Variants in R3HDM4 observed in about 807,000 individuals in gnomAD.
The protein encoded by R3HDM4 is R3H domain containing 4, also known as R3H domain-containing protein 4.
A neutral mutation model predicts 31.3 loss-of-function variants in R3HDM4; 30 were observed. That is an observed-to-expected ratio of 0.96 (90% CI 0.72 to 1.30). The LOEUF is 1.30. R3HDM4 is among the 50% of genes most tolerant of loss of function. The pLI, the probability that R3HDM4 is intolerant of heterozygous loss-of-function variation, is 0.00. For missense variants in R3HDM4, 444 were observed against 366.1 expected (o/e 1.21, Z -1.74); for synonymous variants, 196 against 156.6 (o/e 1.25, Z -1.88).
chr19:899,552 A>C lies in R3HDM4; in HGVS notation c.647+49T>G. 6.2e-7 allele frequency: 1 copy of C among 1,611,910 alleles called. No homozygotes were observed. Among genetic ancestry groups the C allele is most frequent in the East Asian group, 2.2e-5 (1 of 44,856 alleles). On this transcript the variant is annotated intron_variant, in intron 6 of 7. Coordinates refer to ENST00000361574, the MANE Select transcript of R3HDM4 (RefSeq NM_138774.4). The surrounding 1 kb of genome is among the most constrained non-coding windows in gnomAD (Gnocchi z 6.8). The stretch of plus-strand genomic sequence containing the variant: ...GGGCTGCAGCGTGGGGTGTCCGCCC[A>C]CCTGGCCGCAGCCTCGGAGGGTCCG...
intron 7 of R3HDM4, among the ~76,000 whole-genome samples, 178 bp from the exon 8 acceptor site, chr19:897,718 G>A (rs917190116): frequency 1.3e-5 from 2 of 152,240 alleles, no homozygotes; most frequent in African/African-American, 4.8e-5. Context: ...TGGCTCACAA[G>A]AATACCTAAG....
In R3HDM4 at chr19:901,557, A is replaced by G; in HGVS notation, c.227-11T>C. 1.9e-6 allele frequency: 3 copies of G among 1,597,078 alleles called. No homozygotes were observed. Among genetic ancestry groups the G allele is most frequent in the Non-Finnish European group, 2.6e-6 (3 of 1,175,106 alleles). On this transcript the variant is annotated splice_polypyrimidine_tract_variant and intron_variant, in intron 2 of 7. Transcript: ENST00000361574. ...TCAGGAGGTACTGGGCTAGGTGGAA[A>G]CAGATGCTCTCTGGGCCGGGGTGGC... is the stretch of plus-strand genomic sequence containing the variant.
At chr19:909,270 C>T (rs561898808) in intron 1 of R3HDM4, among the ~76,000 whole-genome samples, 3 of 152,314 alleles carry the variant, frequency 2.0e-5, no homozygotes, top group East Asian at 3.9e-4. Flanking sequence ...GCACTGGTCC[C>T]TCCCCCAGGA....
intron 1 of R3HDM4, among the ~76,000 whole-genome samples, chr19:906,615 C>T (rs942654299): frequency 8.7e-4 from 132 of 152,082 alleles, no homozygotes; most frequent in Non-Finnish European, 2.6e-4. Flanking sequence ...ATGAATTCCC[C>T]TCATCTCAGC....
intron 1 of R3HDM4, among the ~76,000 whole-genome samples, chr19:905,684 C>CAA (rs35211343): frequency 2.1e-4 from 14 of 66,296 alleles, no homozygotes; most frequent in African/African-American, 3.9e-4. Flanking sequence ...GACTCTGTCT[C>CAA]AAAAAAAAAA....
At position 899,594 on chromosome 19, in the gene R3HDM4, C is replaced by A. The variant is rs1209220837; in HGVS notation, c.647+7G>T. The A allele has an allele frequency of 6.2e-7, 1 of 1,612,546 alleles. No individual in the cohort carries two copies. Among genetic ancestry groups the A allele is most frequent in the Admixed American group, 1.7e-5 (1 of 59,880 alleles). On this transcript the variant is annotated splice_region_variant and intron_variant, in intron 6 of 7. Transcript: ENST00000361574. This position sits in a 1 kb window ranked among gnomAD's most constrained non-coding sequence, Gnocchi z 6.8. ...GAGGGTCCGCTCGCCTGGCCGCCCC[C>A]CCTTACCTGTTGTCTAGCATTGCTG...
chr19:902,208 C>A (rs1164748609), intron 1 of R3HDM4, 78 bp from the exon 2 acceptor site: 3 of 1,541,626 alleles, frequency 1.9e-6, no homozygotes, highest in Non-Finnish European at 8.8e-7. Flanking sequence ...ACAGCCATGG[C>A]CCGCTTGGTT....
In R3HDM4 at chr19:913,124, C is replaced by G; in HGVS notation, c.34G>C (p.Glu12Gln). 1.8e-6 allele frequency: 2 copies of G among 1,088,154 alleles called. No homozygotes were observed. The highest frequency in any genetic ancestry group is 2.2e-6 in the Non-Finnish European group (2 of 896,100). 67.4% of individuals were successfully genotyped at this position (1,088,154 alleles called of 1,614,324 possible). ...VALENPECGP[E>Q]AAEGTPGGRR... Reference sequence around the variant, plus strand: ...CCGCCCGGGGTGCCCTCCGCCGCCTCCGGGCCGCACTCGGGGTTCTCCAGC... The same window carrying G: ...CCGCCCGGGGTGCCCTCCGCCGCCTGCGGGCCGCACTCGGGGTTCTCCAGC... The change falls in exon 1 of 8, where the codon GAG (glutamate) becomes CAG (glutamine). Residue 12 changes from glutamate (E) to glutamine (Q), a missense_variant. By Grantham distance (29) the Glu-to-Gln change is conservative (BLOSUM62 2). Transcript: ENST00000361574. The surrounding 1 kb of genome is among the most constrained non-coding windows in gnomAD (Gnocchi z 5.0).
chr19:899,941 T>C lies in R3HDM4; in HGVS notation c.561+120A>G. The C allele has an allele frequency of 9.2e-7, 1 of 1,091,896 alleles. No individual in the cohort carries two copies. Among genetic ancestry groups the C allele is most frequent in the East Asian group, 2.4e-5 (1 of 42,098 alleles). 67.6% of individuals were successfully genotyped at this position (1,091,896 alleles called of 1,614,324 possible). A position where few individuals can be genotyped will look rare whatever the true frequency, so the allele number is the denominator to read the frequency against. On this transcript the variant is annotated intron_variant, in intron 5 of 7. Coordinates refer to ENST00000361574, the MANE Select transcript of R3HDM4 (RefSeq NM_138774.4). This position sits in a 1 kb window ranked among gnomAD's most constrained non-coding sequence, Gnocchi z 6.8. ...TACTCAGGGCCCTGGTGCCGCTGTC[T>C]GTATCCTGCCCTGTTTCCCCTGACA...
At chr19:902,957 A>G (rs1435475883) in intron 1 of R3HDM4, among the ~76,000 whole-genome samples, 1 of 152,088 alleles carries the variant, frequency 6.6e-6, no homozygotes, top group Non-Finnish European at 1.5e-5. Context: ...AAAACAAAAA[A>G]CTGTGATGAT....
intron 3 of R3HDM4, 67 bp downstream of exon 3, chr19:901,355 A>G: frequency 6.5e-7 from 1 of 1,533,152 alleles, no homozygotes. Flanking sequence ...GGCACAGGCG[A>G]TGGCCTGGCC....
Position 902,023 on chromosome 19 carries a change from A to AG in R3HDM4, c.178dup (p.Leu60ProfsTer81). ...CTTCCGCCCCTTGGCCTTGGGCACG[A>AG]GGTCTGAGTTCCGCACTGCCTGGTT... On this transcript the variant is annotated frameshift_variant, in exon 2 of 8. Transcript: ENST00000361574. LOFTEE classifies it high-confidence loss of function. 1 of 1,613,864 alleles carries AG rather than the reference A, an allele frequency of 6.2e-7. No homozygotes were observed. Among genetic ancestry groups the AG allele is most frequent in the Non-Finnish European group, 8.5e-7 (1 of 1,180,002 alleles).
chr19:910,138 C>T (rs1264339383), intron 1 of R3HDM4, among the ~76,000 whole-genome samples: 1 of 152,034 alleles, frequency 6.6e-6, no homozygotes. Flanking sequence ...CCAGCCTGAC[C>T]AATATGGAGA....
In R3HDM4 at chr19:897,460, C is replaced by T. The variant is rs768386258; in HGVS notation, c.784G>A (p.Ala262Thr). 22 of 1,611,134 alleles carry T rather than the reference C, an allele frequency of 1.4e-5. No homozygotes were observed. The highest frequency in any genetic ancestry group is 1.3e-4 in the Admixed American group (8 of 59,840). Residue 262 changes from alanine (A) to threonine (T), a missense_variant, in exon 8 of 8, where the codon GCC (alanine) becomes ACC (threonine). Transcript: ENST00000361574. ...CATCAGCTGTGCTGCTCCAGGTAGG[C>T]GGACAGGAGCAGCCCCGGCGGCAGG... ...DFLPPGLLLS[A>T]YLEQHS
chr19:911,400 T>C (rs1167009828), intron 1 of R3HDM4, among the ~76,000 whole-genome samples: 1 of 151,940 alleles, frequency 6.6e-6, no homozygotes, highest in Non-Finnish European at 1.5e-5. Flanking sequence ...ATGAAGATCG[T>C]GCCACTGCAC....
rs757466180 is a variant in R3HDM4, at chr19:897,497, C to T, written c.747G>A (p.Arg249=). The T allele has an allele frequency of 6.2e-6, 10 of 1,613,104 alleles. No homozygotes were observed. The highest frequency in any genetic ancestry group is 6.8e-6 in the Non-Finnish European group (8 of 1,179,786). The change falls in exon 8 of 8, where the codon CGG becomes CGA. Residue 249 remains arginine, a synonymous_variant. Transcript: ENST00000361574. ...EGKRQMKVSN[R]HLDFLPPGLL... Reference sequence around the variant, plus strand: ...GCCCCGGCGGCAGGAAATCCAGGTGCCGATTACTGACCTTCATCTGCCGCT... The same window carrying T: ...GCCCCGGCGGCAGGAAATCCAGGTGTCGATTACTGACCTTCATCTGCCGCT...
At position 899,447 on chromosome 19, in the gene R3HDM4, G is replaced by C. The variant is rs1386560097; in HGVS notation, c.696C>G (p.Ile232Met). 7.4e-6 allele frequency: 12 copies of C among 1,613,550 alleles called. No individual in the cohort carries two copies. The highest frequency in any genetic ancestry group is 1.1e-5 in the South Asian group (1 of 91,088). Reference protein sequence around the residue: ...LHAVCQYMDLISASADLEGKR... With the variant: ...LHAVCQYMDLMSASADLEGKR... ...GGGGCCACCGGCACTTACTGGCCGA[G>C]ATGAGGTCCATGTACTGGCAGACAG... Residue 232 changes from isoleucine to methionine, a missense_variant, in exon 7 of 8, where the codon ATC becomes ATG. Physicochemically the swap from Ile to Met is conservative, Grantham distance 10 (BLOSUM62 1). Transcript: ENST00000361574. The surrounding 1 kb of genome is among the most constrained non-coding windows in gnomAD (Gnocchi z 6.8).
At chr19:903,076 G>T (rs1317760684) in intron 1 of R3HDM4, among the ~76,000 whole-genome samples, 3 of 152,158 alleles carry the variant, frequency 2.0e-5, no homozygotes, top group Admixed American at 6.5e-5. Flanking sequence ...TGTTCAAGGT[G>T]TTAGCTGTAA....
At chr19:905,505 C>T (rs1281869485) in intron 1 of R3HDM4, among the ~76,000 whole-genome samples, 1 of 101,046 alleles carries the variant, frequency 9.9e-6, no homozygotes, top group South Asian at 3.2e-4. Flanking sequence ...AACTCTGTCT[C>T]AAAAAAAAAA....
Sources: gnomAD v4.1 joint callset for allele counts (sites outside exome capture counted in the v4.1 genomes callset) on GRCh38, gnomAD v4.1.1 for gene constraint, Gnocchi (gnomAD v3.1) non-coding constraint, MANE v1.5 for transcripts, NCBI Gene and HGNC (gene_info 2026-07-23, HGNC 2026-07-21) for gene names.